ZNF787: variants seen among roughly 807,000 people sequenced by gnomAD.
ZNF787 encodes zinc finger protein 787, also known as TTF-I-interacting peptide 20.
ZNF787 carries 7 observed loss-of-function variants against 16.9 expected under a neutral mutation model. The ratio of observed to expected loss-of-function variants is 0.42; its 90% confidence interval spans 0.24 to 0.78. ZNF787 has a LOEUF of 0.78. Ranked by LOEUF, ZNF787 falls within the 30% of genes least tolerant of loss-of-function variation. The pLI, the probability that ZNF787 is intolerant of heterozygous loss-of-function variation, is 0.30. For synonymous variants in ZNF787, 345 were observed against 270.9 expected (o/e 1.27, Z -2.69); for missense variants, 551 against 589.3 (o/e 0.94, Z 0.67).
In ZNF787 at chr19:56,103,232, T is replaced by C. The variant is rs1385385669; in HGVS notation, c.-10-5A>G. 2.6e-6 allele frequency: 4 copies of C among 1,542,190 alleles called. No homozygotes were observed. The highest frequency in any genetic ancestry group is 3.5e-6 in the Non-Finnish European group (4 of 1,144,612). On this transcript the variant is annotated splice_polypyrimidine_tract_variant and splice_region_variant and intron_variant, in intron 1 of 2. Coordinates refer to ENST00000610935, the MANE Select transcript of ZNF787 (RefSeq NM_001002836.4). Reference sequence around the variant, plus strand: ...CGCAGCTCCATGTCTGGGTCCCTGTTAGAAGGGGATGAGACAGAAGGACAG... The same window carrying C: ...CGCAGCTCCATGTCTGGGTCCCTGTCAGAAGGGGATGAGACAGAAGGACAG...
intron 2 of ZNF787, among the ~76,000 whole-genome samples, chr19:56,095,041 G>A (rs752172691): frequency 6.6e-6 from 1 of 152,196 alleles, no homozygotes; most frequent in African/African-American, 2.4e-5. Flanking sequence ...TTGAACCCGA[G>A]AGGTGGAGGT....
At chr19:56,106,348 CTG>C (rs1599952721) in intron 1 of ZNF787, among the ~76,000 whole-genome samples, 1 of 152,264 alleles carries the variant, frequency 6.6e-6, no homozygotes, top group African/African-American at 2.4e-5. Context: ...TGGAGGACAA[CTG>C]TGAGCTGCTT....
At chr19:56,099,794 G>C (rs141038299) in intron 2 of ZNF787, among the ~76,000 whole-genome samples, 1 of 151,990 alleles carries the variant, frequency 6.6e-6, no homozygotes, top group Non-Finnish European at 1.5e-5. Flanking sequence ...GCAGGGCCAC[G>C]CAGGCTGGGG....
intron 1 of ZNF787, among the ~76,000 whole-genome samples, chr19:56,111,737 C>T (rs917023882): frequency 2.0e-5 from 3 of 152,116 alleles, no homozygotes; most frequent in Non-Finnish European, 4.4e-5. Flanking sequence ...GAGGGGCCGA[C>T]ACCTACCAGG....
At chr19:56,091,947 C>CGAAACCGAAACCGAAACCGAAACCG (rs57458138) in intron 2 of ZNF787, among the ~76,000 whole-genome samples, 106 of 149,450 alleles carry the variant, frequency 7.1e-4, no homozygotes, top group African/African-American at 2.0e-3. Flanking sequence ...AAGCCAAAGC[C>CGAAACCGAAACCGAAACCGAAACCG]AAAGCCGAAA....
intron 2 of ZNF787, among the ~76,000 whole-genome samples, chr19:56,098,457 C>CTGGGTG (rs1985954001): frequency 6.6e-6 from 1 of 151,276 alleles, no homozygotes; most frequent in African/African-American, 2.4e-5. Flanking sequence ...GATACGGCCG[C>CTGGGTG]AGGGTGATTA....
Position 56,088,247 on chromosome 19 carries a change from C to CCCCGAG in ZNF787, c.919_924dup (p.Leu307_Gly308dup), listed in dbSNP as rs1568520975. On this transcript the variant is annotated inframe_insertion, in exon 3 of 3. Coordinates refer to ENST00000610935, the MANE Select transcript of ZNF787 (RefSeq NM_001002836.4). The surrounding 1 kb of genome is among the most constrained non-coding windows in gnomAD (Gnocchi z 8.6). ...TGGGCCGGCTCCTCGCCCCCCGCCG[C>CCCCGAG]CCCGAGCCCGTCCCCGTGCTGGGCC... The CCCCGAG allele has an allele frequency of 4.7e-5, 69 of 1,471,802 alleles. No individual in the cohort carries two copies. Among genetic ancestry groups the CCCCGAG allele is most frequent in the Non-Finnish European group, 5.9e-5 (66 of 1,115,512 alleles). 91.2% of individuals were successfully genotyped at this position (1,471,802 alleles called of 1,614,324 possible).
chr19:56,094,705 T>C (rs571354408), intron 2 of ZNF787, among the ~76,000 whole-genome samples: 2 of 152,242 alleles, frequency 1.3e-5, no homozygotes, highest in South Asian at 4.1e-4. Flanking sequence ...CCCAACCTTT[T>C]TGGCACTAGG....
chr19:56,097,772 C>T (rs1219511404), intron 2 of ZNF787, among the ~76,000 whole-genome samples: 2 of 152,200 alleles, frequency 1.3e-5, no homozygotes, highest in Non-Finnish European at 2.9e-5. Flanking sequence ...GAAGCCGAGA[C>T]CCCAGGGACA....
At chr19:56,105,115 G>A (rs1239101348) in intron 1 of ZNF787, among the ~76,000 whole-genome samples, 1 of 151,952 alleles carries the variant, frequency 6.6e-6, no homozygotes, top group Admixed American at 6.5e-5. Flanking sequence ...GCAAGACTCT[G>A]TCTCAAAAAT....
At chr19:56,093,123 G>A (rs182446506) in intron 2 of ZNF787, among the ~76,000 whole-genome samples, 1 of 149,490 alleles carries the variant, frequency 6.7e-6, no homozygotes, top group Non-Finnish European at 1.5e-5. Context: ...GCGGAAGTGG[G>A]ATATTCCATA....
rs374550354 is a variant in ZNF787 at position 56,094,736 on chromosome 19, A to G, written c.80-5644T>C. Among the ~76,000 whole-genome samples the G allele has an allele frequency of 5.9e-5, 9 of 152,044 alleles. No homozygotes were observed. The East Asian group carries it at 9.7e-4, about 16-fold the overall frequency. On this transcript the variant is annotated intron_variant, in intron 2 of 2. Transcript: ENST00000610935. The stretch of plus-strand genomic sequence containing the variant: ...CTAGGGACTGGTTTTGTGGAAGACA[A>G]TTTTTCCACGGACAGGGTGGGGAGG...
rs370791165 is a variant in ZNF787, at chr19:56,087,780, C to T, written c.*243G>A. On this transcript the variant is annotated 3_prime_UTR_variant, in exon 3 of 3. Transcript: ENST00000610935. ...TCCATTGTCTCTCCGGCTCGCAGGCCGATAACTTAGGAAGGGCGGGCCAGG... is the reference window on the plus strand; with the variant it reads ...TCCATTGTCTCTCCGGCTCGCAGGCTGATAACTTAGGAAGGGCGGGCCAGG... 1 of 541,282 alleles carries T rather than the reference C, an allele frequency of 1.8e-6. No homozygotes were observed. Among genetic ancestry groups the T allele is most frequent in the Non-Finnish European group, 2.7e-6 (1 of 372,652 alleles). The allele number at this position is 541,282 out of a possible 1,614,324, so 33.5% of individuals were successfully genotyped here.
Position 56,088,344 on chromosome 19 carries a change from G to A in ZNF787, c.828C>T (p.Ala276=). The change falls in exon 3 of 3, where the codon GCC becomes GCT. Residue 276 remains alanine (A), a synonymous_variant. Coordinates refer to ENST00000610935, the MANE Select transcript of ZNF787 (RefSeq NM_001002836.4). This position sits in a 1 kb window ranked among gnomAD's most constrained non-coding sequence, Gnocchi z 8.6. ...ACTCCAGACACACGTACGGCTTGGG[G>A]GCCGGGGCGCGCCGCGACCGGGGCC... is the stretch of plus-strand genomic sequence containing the variant. The part of the protein sequence containing the change: ...AAGPRSRRAP[A]PKPYVCLECG... 9 of 1,191,324 alleles carry A rather than the reference G, an allele frequency of 7.6e-6. No homozygotes were observed. The highest frequency in any genetic ancestry group is 3.0e-5 in the South Asian group (1 of 32,876). The allele number at this position is 1,191,324 out of a possible 1,614,324, so 73.8% of individuals were successfully genotyped here.
At chr19:56,093,142 G>T (rs1448537052) in intron 2 of ZNF787, among the ~76,000 whole-genome samples, 1 of 150,858 alleles carries the variant, frequency 6.6e-6, no homozygotes, top group East Asian at 2.0e-4. Context: ...TAGACACAGG[G>T]GATGGCGGAA....
At chr19:56,102,236 G>A (rs898781210) in intron 2 of ZNF787, 5 of 152,288 alleles carry the variant, frequency 3.3e-5, no homozygotes, top group African/African-American at 9.6e-5. Flanking sequence ...TGTGGACTGT[G>A]GCTGCGTGGT....
chr19:56,106,263 C>T (rs1248393156), intron 1 of ZNF787, among the ~76,000 whole-genome samples: 1 of 152,226 alleles, frequency 6.6e-6, no homozygotes, highest in Admixed American at 6.5e-5. Context: ...GGCGTGCCAG[C>T]GTGTCGCTCC....
At chr19:56,089,662 T>C (rs1423386265) in intron 2 of ZNF787, among the ~76,000 whole-genome samples, 1 of 152,122 alleles carries the variant, frequency 6.6e-6, no homozygotes, top group African/African-American at 2.4e-5. Context: ...GAGATGAGCA[T>C]GAAAGCCCCA....
chr19:56,110,492 CG>C, intron 1 of ZNF787, among the ~76,000 whole-genome samples: 1 of 150,930 alleles, frequency 6.6e-6, no homozygotes, highest in African/African-American at 2.4e-5. Flanking sequence ...ATTAAAAATG[CG>C]TAAGACTCAG....
Sources: allele counts gnomAD v4.1 joint callset (sites outside exome capture counted in the v4.1 genomes callset), GRCh38; gene constraint gnomAD v4.1.1; non-coding constraint Gnocchi (gnomAD v3.1); transcripts MANE v1.5; gene names NCBI Gene and HGNC (gene_info 2026-07-23, HGNC 2026-07-21).